Variants in FHIT observed in about 807,000 individuals in gnomAD.
The protein encoded by FHIT is bis(5'-adenosyl)-triphosphatase.
In FHIT, 19 loss-of-function variants were observed where a neutral mutation model predicts 17.9. That is an observed-to-expected ratio of 1.06 (90% CI 0.74 to 1.56). The LOEUF is 1.56. FHIT is among the 40% of genes most tolerant of loss of function. FHIT has a pLI of 0.00. For missense variants in FHIT, 248 were observed against 189.2 expected, an observed-to-expected ratio of 1.31 and a Z score of -1.82; for synonymous variants, 81 against 69.7, an observed-to-expected ratio of 1.16 and a Z score of -0.81.
chr3:59,750,007 T>C (rs1575595891), intron 9 of FHIT: 1 of 222,682 alleles, frequency 4.5e-6, no homozygotes, highest in Non-Finnish European at 8.9e-6. Context: ...TAAAGAGAAA[T>C]ACACATGTTA....
At chr3:60,211,059 A>G (rs1206896165) in intron 5 of FHIT, among the ~76,000 whole-genome samples, 1 of 145,906 alleles carries the variant, frequency 6.9e-6, no homozygotes, top group Non-Finnish European at 1.5e-5. Context: ...ATGGAGTACT[A>G]TAAAACCGTA....
At chr3:60,594,259 TG>T (rs140387455) in intron 4 of FHIT, among the ~76,000 whole-genome samples, 10,234 of 152,162 alleles carry the variant, frequency 0.067, 526 homozygotes, top group African/African-American at 0.14. Flanking sequence ...AGTCAAAGCA[TG>T]TCCTAAGAAA....
chr3:60,231,484 C>A (rs916803189), intron 5 of FHIT, among the ~76,000 whole-genome samples: 1 of 152,322 alleles, frequency 6.6e-6, no homozygotes. Flanking sequence ...ACTTCTAGCA[C>A]CACTGGTGAA....
intron 9 of FHIT, chr3:59,751,466 A>G (rs1700895144): frequency 4.9e-6 from 1 of 205,260 alleles, no homozygotes; most frequent in Admixed American, 6.0e-5. Flanking sequence ...GCAGTCTACT[A>G]TGTGAACTGA....
At chr3:60,218,393 C>G (rs1378966015) in intron 5 of FHIT, among the ~76,000 whole-genome samples, 4 of 152,084 alleles carry the variant, frequency 2.6e-5, no homozygotes, top group Admixed American at 2.6e-4. Flanking sequence ...CAGGATTGTA[C>G]AGCTAGGTCA....
chr3:61,037,294 G>T (rs961486016), intron 3 of FHIT, among the ~76,000 whole-genome samples: 2 of 152,138 alleles, frequency 1.3e-5, no homozygotes, highest in Admixed American at 6.5e-5. Context: ...TGGTGTCAGA[G>T]TGCTTGGATT....
intron 2 of FHIT, among the ~76,000 whole-genome samples, chr3:61,094,638 C>A (rs1310331831): frequency 6.6e-6 from 1 of 152,132 alleles, no homozygotes; most frequent in Non-Finnish European, 1.5e-5. Flanking sequence ...ACAATGATAG[C>A]TAATGATAAA....
At chr3:61,248,217 A>C (rs1234468588) in intron 1 of FHIT, among the ~76,000 whole-genome samples, 1 of 152,194 alleles carries the variant, frequency 6.6e-6, no homozygotes, top group Non-Finnish European at 1.5e-5. Context: ...GGTGCTTATG[A>C]ATGCAATGCC....
chr3:59,935,349 T>C (rs1399592246), intron 7 of FHIT, among the ~76,000 whole-genome samples: 1 of 152,140 alleles, frequency 6.6e-6, no homozygotes, highest in Non-Finnish European at 1.5e-5. Context: ...CTTCCTTCCA[T>C]GTGGAGTTCC....
At chr3:60,789,311 G>T (rs1001225403) in intron 4 of FHIT, among the ~76,000 whole-genome samples, 10 of 151,962 alleles carry the variant, frequency 6.6e-5, no homozygotes, top group African/African-American at 2.4e-4. Flanking sequence ...GAGGTCAAGA[G>T]ATCGATACCA....
Position 60,384,540 on chromosome 3 carries a change from C to A in FHIT, c.103+152320G>T, listed in dbSNP as rs552380313. On this transcript the variant is annotated intron_variant, in intron 5 of 9. Coordinates refer to ENST00000492590, the MANE Select transcript of FHIT (RefSeq NM_002012.4). The stretch of plus-strand genomic sequence containing the variant: ...AGGAAAAGCAAGCACAGTAGTTAAC[C>A]CCTGATAGTTTATTAGTCATTCTTG... 1.2e-4 allele frequency among the ~76,000 whole-genome samples: 18 copies of A among 152,180 alleles called. No individual in the cohort carries two copies. In the South Asian group the frequency reaches 3.1e-3, roughly 26 times the overall value.
intron 7 of FHIT, among the ~76,000 whole-genome samples, chr3:59,944,805 G>C (rs768341442): frequency 6.6e-6 from 1 of 152,094 alleles, no homozygotes; most frequent in Non-Finnish European, 1.5e-5. Context: ...ATGTTAATTT[G>C]CTTAGGATAC....
chr3:60,995,103 G>C (rs987652179), intron 3 of FHIT, among the ~76,000 whole-genome samples: 6 of 152,034 alleles, frequency 3.9e-5, no homozygotes, highest in Non-Finnish European at 8.8e-5. Flanking sequence ...GGCGGATCAC[G>C]AGGTCAGGAG....
intron 5 of FHIT, among the ~76,000 whole-genome samples, chr3:60,348,377 G>T (rs1455569875): frequency 6.8e-6 from 1 of 147,714 alleles, no homozygotes; most frequent in Admixed American, 6.7e-5. Flanking sequence ...TTCACAAATA[G>T]CAGTGTCAAA....
intron 3 of FHIT, among the ~76,000 whole-genome samples, chr3:60,847,792 C>T (rs1434226672): frequency 5.3e-5 from 8 of 152,094 alleles, no homozygotes; most frequent in African/African-American, 1.9e-4. Flanking sequence ...ATGAATTTTC[C>T]TATTAGTCGA....
At position 60,028,777 on chromosome 3, in the gene FHIT, CA is replaced by C. The variant is rs542372921; in HGVS notation, c.104-14626del. Among the ~76,000 whole-genome samples the C allele has an allele frequency of 2.0e-4, 31 of 152,212 alleles. 1 individual carries two copies. The South Asian group carries it at 5.0e-3, about 24-fold the overall frequency. ...TGTAACCCAAGGAATTTAGTAAAGA[CA>C]AACTTATTAACATAAATTACCAAAG... On this transcript the variant is annotated intron_variant, in intron 5 of 9. Transcript: ENST00000492590.
At chr3:60,472,784 A>T (rs2033154266) in intron 5 of FHIT, among the ~76,000 whole-genome samples, 1 of 152,174 alleles carries the variant, frequency 6.6e-6, no homozygotes, top group Admixed American at 6.5e-5. Context: ...GAGAAAAATG[A>T]CTTGTGTGTC....
chr3:60,066,761 A>G (rs1702531307), intron 5 of FHIT, among the ~76,000 whole-genome samples: 1 of 144,230 alleles, frequency 6.9e-6, no homozygotes, highest in Admixed American at 7.3e-5. Flanking sequence ...GGTTCACGCC[A>G]TTCTCCTGCC....
intron 5 of FHIT, among the ~76,000 whole-genome samples, chr3:60,084,417 T>A (rs1420954947): frequency 6.6e-6 from 1 of 152,138 alleles, no homozygotes; most frequent in African/African-American, 2.4e-5. Flanking sequence ...ACTCTACACA[T>A]ATAATAGGCA....
Sources: gnomAD v4.1 joint callset for allele counts (sites outside exome capture counted in the v4.1 genomes callset) on GRCh38, gnomAD v4.1.1 for gene constraint, MANE v1.5 for transcripts, NCBI Gene and HGNC (gene_info 2026-07-23, HGNC 2026-07-21) for gene names.